Variants in ATP1B4 observed in about 807,000 individuals in gnomAD.
The protein encoded by ATP1B4 is ATPase Na+/K+ transporting family member beta 4.
Under a neutral mutation model 29.6 loss-of-function variants are expected in ATP1B4, and 32 were observed. The ratio of observed to expected loss-of-function variants is 1.08; its 90% CI spans 0.82 to 1.45. The LOEUF (loss-of-function observed/expected upper bound fraction) is 1.45. Ranked by LOEUF, ATP1B4 falls within the 40% of genes most tolerant of loss-of-function variation. The pLI is 0.00. For missense variants in ATP1B4, 323 were observed against 276.2 expected (o/e 1.17, Z -1.20); for synonymous variants, 127 against 102.1 (o/e 1.24, Z -1.47).
rs749638694 is a variant in ATP1B4, at chrX:120,375,418, G to C, written c.609G>C (p.Pro203=). Residue 203 remains proline (P), a synonymous_variant, in exon 5 of 8, where the codon CCG becomes CCC. Transcript: ENST00000218008. ...AGGAAATGAATGTAGATTGTCCCCC[G>C]GGGCAGTACTTCATCCAAGATGGCA... ...LQEEMNVDCP[P]GQYFIQDGNE... 1.7e-6 allele frequency: 2 copies of C among 1,210,528 alleles called. No individual in the cohort carries two copies. Among genetic ancestry groups the C allele is most frequent in the Admixed American group, 2.2e-5 (1 of 45,914 alleles).
At chrX:120,369,292 G>A (rs1466480302) in intron 2 of ATP1B4, among the ~76,000 whole-genome samples, 1 of 111,958 alleles carries the variant, frequency 8.9e-6, no homozygotes, top group African/African-American at 3.3e-5. Flanking sequence ...TTATTCTCCA[G>A]GGACTCCAAC....
Position 120,380,225 on chromosome X carries a change from GA to G in ATP1B4, c.*601del, listed in dbSNP as rs1266871579. 1.9e-4 allele frequency: 20 copies of G among 106,036 alleles called. No homozygotes were observed. Among genetic ancestry groups the G allele is most frequent in the Admixed American group, 3.0e-4 (3 of 9,883 alleles). 8.7% of individuals were successfully genotyped at this position (106,036 alleles called of 1,213,427 possible). ...GACAGAGTGAGATCCTGTCTCTGAA[GA>G]AAAAAAAAACCTGCCTGGCAAGGTC... On this transcript the variant is annotated 3_prime_UTR_variant, in exon 8 of 8. Coordinates refer to ENST00000218008, the MANE Select transcript of ATP1B4 (RefSeq NM_001142447.3).
At chrX:120,371,532 T>C (rs2058313506) in intron 4 of ATP1B4, among the ~76,000 whole-genome samples, 1 of 112,145 alleles carries the variant, frequency 8.9e-6, no homozygotes, top group Non-Finnish European at 1.9e-5. Context: ...TGATCATTTA[T>C]AGAAGATAAT....
chrX:120,371,275 C>G (rs1270617568), intron 4 of ATP1B4, 65 bp downstream of exon 4: 7 of 902,389 alleles, frequency 7.8e-6, no homozygotes, highest in Non-Finnish European at 6.5e-6. Context: ...ATCCAAAATT[C>G]AAAATTCACC....
intron 5 of ATP1B4, among the ~76,000 whole-genome samples, chrX:120,375,993 G>C (rs778255321): frequency 4.5e-5 from 5 of 111,730 alleles, no homozygotes; most frequent in African/African-American, 6.5e-5. Context: ...GTTTGGAACA[G>C]GGGATTGAAA....
Position 120,362,194 on chromosome X carries a change from G to T in ATP1B4, c.26G>T (p.Arg9Met). 14 of 1,211,523 alleles carry T rather than the reference G, an allele frequency of 1.2e-5. No homozygotes were observed. The highest frequency in any genetic ancestry group is 1.3e-5 in the Non-Finnish European group (12 of 895,333). ...ATGAGAAGGCAACTCCGGTCCAGAA[G>T]GGCTCCATCCTTTCCTTACAGTTAT... Reference protein sequence around the residue: MRRQLRSRRAPSFPYSYRY... With the variant: MRRQLRSRMAPSFPYSYRY... Residue 9 changes from arginine to methionine, a missense_variant, in exon 1 of 8, where the codon AGG becomes ATG. Coordinates refer to ENST00000218008, the MANE Select transcript of ATP1B4 (RefSeq NM_001142447.3).
intron 4 of ATP1B4, among the ~76,000 whole-genome samples, chrX:120,373,389 C>T (rs941222846): frequency 5.4e-5 from 6 of 112,106 alleles, no homozygotes; most frequent in African/African-American, 1.3e-4. Flanking sequence ...TCGCAGTTGC[C>T]GATTAATAAT....
chrX:120,379,446 T>C (rs376341497), intron 7 of ATP1B4, 27 bp from the exon 8 acceptor site: 23 of 1,186,144 alleles, frequency 1.9e-5, no homozygotes, highest in Non-Finnish European at 2.5e-5. Context: ...TCCCCACACT[T>C]AGAATTCATT....
At chrX:120,374,223 G>A (rs1286959515) in intron 4 of ATP1B4, among the ~76,000 whole-genome samples, 1 of 109,842 alleles carries the variant, frequency 9.1e-6, no homozygotes, top group Non-Finnish European at 1.9e-5. Flanking sequence ...GCAGTGCCCC[G>A]CCAGTGGAGA....
At chrX:120,362,362 G>A (rs2058265795) in intron 1 of ATP1B4, 131 bp downstream of exon 1, 6 of 601,628 alleles carry the variant, frequency 1.0e-5, no homozygotes, top group Non-Finnish European at 1.6e-5. Context: ...AAGTTTAGGG[G>A]AGCCCAGGGT....
At chrX:120,364,406 G>A (rs947527678) in intron 1 of ATP1B4, among the ~76,000 whole-genome samples, 2 of 111,406 alleles carry the variant, frequency 1.8e-5, no homozygotes, top group Non-Finnish European at 3.8e-5. Flanking sequence ...GAGCATTCCC[G>A]CAGAGTCCTG....
chrX:120,368,515 A>G (rs916656730), intron 2 of ATP1B4, among the ~76,000 whole-genome samples: 4 of 112,199 alleles, frequency 3.6e-5, no homozygotes, highest in Non-Finnish European at 7.5e-5. Flanking sequence ...AACAAGAATC[A>G]TATGAGGTAG....
intron 4 of ATP1B4, 51 bp from the exon 5 acceptor site, chrX:120,375,321 C>A (rs749444419): frequency 2.7e-6 from 3 of 1,101,248 alleles, no homozygotes; most frequent in Non-Finnish European, 3.7e-6. Context: ...GCACGGCCTT[C>A]CCCTGTAGCA....
In ATP1B4 at chrX:120,379,527, C is replaced by A; in HGVS notation, c.967C>A (p.Gln323Lys). Residue 323 changes from glutamine to lysine, a missense_variant, in exon 8 of 8, where the codon CAA becomes AAA. Physicochemically the swap from Gln to Lys is moderately conservative, Grantham distance 53. Transcript: ENST00000218008. ...GCACTTTACAGACGTGGTGAAGAAC[C>A]AAGCAGTGCCTGTGCAGTGCCAACT... ...AMHFTDVVKN[Q>K]AVPVQCQLKG... 8.3e-7 allele frequency: 1 copy of A among 1,210,629 alleles called. No individual in the cohort carries two copies. The highest frequency in any genetic ancestry group is 1.1e-6 in the Non-Finnish European group (1 of 894,736).
chrX:120,376,051 C>T (rs1462610229), intron 5 of ATP1B4, among the ~76,000 whole-genome samples: 1 of 111,486 alleles, frequency 9.0e-6, no homozygotes, highest in Non-Finnish European at 1.9e-5. Context: ...ATGCATTTTT[C>T]TTCCATCCTG....
intron 4 of ATP1B4, among the ~76,000 whole-genome samples, chrX:120,373,381 G>A (rs946554631): frequency 8.9e-6 from 1 of 112,377 alleles, no homozygotes; most frequent in African/African-American, 3.2e-5. Flanking sequence ...TTTAAAATTC[G>A]CAGTTGCCGA....
At chrX:120,374,061 CAG>C (rs967332208) in intron 4 of ATP1B4, among the ~76,000 whole-genome samples, 5 of 111,232 alleles carry the variant, frequency 4.5e-5, no homozygotes, top group African/African-American at 1.6e-4. Flanking sequence ...ACCATCTAGA[CAG>C]AGCTGATTTA....
rs1408555857 is a variant in ATP1B4 at position 120,366,800 on chromosome X, A to G, written c.328+11A>G. ...CAGGTCAGAGTTGGAGTAAGTCCCAATAGTCCCAATGCCAAAGTCTGGTGT... is the reference window on the plus strand; with the variant it reads ...CAGGTCAGAGTTGGAGTAAGTCCCAGTAGTCCCAATGCCAAAGTCTGGTGT... On this transcript the variant is annotated intron_variant, in intron 2 of 7. Coordinates refer to ENST00000218008, the MANE Select transcript of ATP1B4 (RefSeq NM_001142447.3). The G allele has an allele frequency of 5.8e-6, 7 of 1,201,670 alleles. No individual in the cohort carries two copies. The South Asian group carries it at 8.9e-5, about 15-fold the overall frequency.
Position 120,379,466 on chromosome X carries a change from C to T in ATP1B4, c.913-7C>T, listed in dbSNP as rs1302820853. 2.5e-6 allele frequency: 3 copies of T among 1,198,145 alleles called. No individual in the cohort carries two copies. The highest frequency in any genetic ancestry group is 1.7e-5 in the African/African-American group (1 of 57,194). On this transcript the variant is annotated splice_region_variant and splice_polypyrimidine_tract_variant and intron_variant, in intron 7 of 7. Coordinates refer to ENST00000218008, the MANE Select transcript of ATP1B4 (RefSeq NM_001142447.3). ...ACACTTAGAATTCATTTTTCTTCTA[C>T]CTGCAGGTTAACTACACATCCCCCT...
Sources: gnomAD v4.1 joint callset for allele counts (sites outside exome capture counted in the v4.1 genomes callset) on GRCh38, gnomAD v4.1.1 for gene constraint, MANE v1.5 for transcripts, NCBI Gene and HGNC (gene_info 2026-07-23, HGNC 2026-07-21) for gene names.